The following SNX29 variants were observed in gnomAD, a reference collection of about 807,000 sequenced individuals.
SNX29 encodes the protein sorting nexin-29.
Under a neutral mutation model 102.1 loss-of-function variants are expected in SNX29, and 78 were observed. That is an observed-to-expected ratio of 0.76 (90% CI 0.64 to 0.92). The LOEUF is 0.92. Among genes scored for constraint, SNX29 ranks in the 40% least tolerant of loss-of-function variants. The probability of loss-of-function intolerance (pLI) is 0.00; values close to 1 mark genes in which losing one functional copy is unlikely to be tolerated. For synonymous variants in SNX29, 580 were observed against 414.5 expected (o/e 1.40, Z -4.85); for missense variants, 1,280 against 1,061.7 (o/e 1.21, Z -2.86).
intron 13 of SNX29, among the ~76,000 whole-genome samples, chr16:12,136,279 C>T (rs772193976): frequency 6.6e-6 from 1 of 152,220 alleles, no homozygotes; most frequent in Non-Finnish European, 1.5e-5. Flanking sequence ...CGTGCAGTGG[C>T]ATAAAGCACC....
chr16:12,481,574 G>C (rs1048420519), intron 19 of SNX29, among the ~76,000 whole-genome samples: 1 of 147,616 alleles, frequency 6.8e-6, no homozygotes, highest in Non-Finnish European at 1.5e-5. Flanking sequence ...TCACCCTGTC[G>C]CCCAGGGTGG....
At chr16:12,360,783 G>T (rs143384790) in intron 16 of SNX29, among the ~76,000 whole-genome samples, 32 of 152,252 alleles carry the variant, frequency 2.1e-4, no homozygotes, top group African/African-American at 7.7e-4. Flanking sequence ...TTCCTTAAGA[G>T]GAAGCATATT....
chr16:12,370,601 T>C (rs1423067361), intron 16 of SNX29, among the ~76,000 whole-genome samples: 1 of 152,170 alleles, frequency 6.6e-6, no homozygotes, highest in African/African-American at 2.4e-5. Context: ...CCTTGTCTCT[T>C]GGGCCATCAG....
chr16:12,002,584 G>C (rs1285736652), intron 2 of SNX29, among the ~76,000 whole-genome samples: 5 of 152,174 alleles, frequency 3.3e-5, no homozygotes, highest in African/African-American at 1.2e-4. Context: ...CAACTCTGGG[G>C]CTCGTCCAAA....
rs1462983589 is a variant in SNX29, at chr16:12,543,093, G to A, written c.2318+18252G>A. 3.9e-5 allele frequency among the ~76,000 whole-genome samples: 6 copies of A among 152,214 alleles called. No individual in the cohort carries two copies. The East Asian group carries it at 9.6e-4, about 24-fold the overall frequency. ...ACCCTCAAGCATGTTCTGTCTGGTG[G>A]AAAGATGGATCCTGGCAGCTGCGTA... On this transcript the variant is annotated intron_variant, in intron 20 of 20. Coordinates refer to ENST00000566228, the MANE Select transcript of SNX29 (RefSeq NM_032167.5).
At chr16:12,517,080 T>C (rs955465411) in intron 19 of SNX29, among the ~76,000 whole-genome samples, 2 of 152,234 alleles carry the variant, frequency 1.3e-5, no homozygotes, top group Non-Finnish European at 2.9e-5. Context: ...CGTCTATGAA[T>C]AGCTCTCAGG....
intron 15 of SNX29, among the ~76,000 whole-genome samples, chr16:12,306,868 G>A (rs77423794): frequency 0.024 from 3,698 of 152,280 alleles, 70 homozygotes; most frequent in East Asian, 0.12. Flanking sequence ...TTGGGGAGGT[G>A]GGTAGAGTGA....
chr16:12,276,401 G>C (rs946274812), intron 14 of SNX29, among the ~76,000 whole-genome samples: 2 of 152,160 alleles, frequency 1.3e-5, no homozygotes, highest in Non-Finnish European at 2.9e-5. Context: ...TTGAGCCTTC[G>C]GCGGGCTCTA....
At chr16:12,521,159 G>C (rs188801473) in intron 19 of SNX29, among the ~76,000 whole-genome samples, 1 of 152,150 alleles carries the variant, frequency 6.6e-6, no homozygotes, top group East Asian at 1.9e-4. Context: ...CACCCTGGGC[G>C]ACAGAGTGAG....
intron 1 of SNX29, among the ~76,000 whole-genome samples, chr16:11,994,990 G>A (rs1596546921): frequency 6.6e-6 from 1 of 152,144 alleles, no homozygotes; most frequent in Admixed American, 6.6e-5. Flanking sequence ...CCCGTTCAGT[G>A]CTCTCCACTG....
intron 8 of SNX29, among the ~76,000 whole-genome samples, chr16:12,058,449 G>A (rs2050609871): frequency 6.6e-6 from 1 of 151,368 alleles, no homozygotes. Flanking sequence ...CTCATTTTGA[G>A]GCAGTAGCCC....
chr16:12,561,687 C>A (rs950454375), intron 20 of SNX29, among the ~76,000 whole-genome samples: 6 of 152,176 alleles, frequency 3.9e-5, no homozygotes, highest in African/African-American at 1.4e-4. Context: ...ACACAGACCC[C>A]CTTTTCCCCA....
In SNX29 at chr16:12,567,681, G is replaced by A. The variant is rs559067998; in HGVS notation, c.2319-825G>A. 1.8e-4 allele frequency among the ~76,000 whole-genome samples: 28 copies of A among 152,282 alleles called. 1 individual carries two copies. The highest frequency in any genetic ancestry group is 6.7e-4 in the African/African-American group (28 of 41,554). On this transcript the variant is annotated intron_variant, in intron 20 of 20. Coordinates refer to ENST00000566228, the MANE Select transcript of SNX29 (RefSeq NM_032167.5). ...GGAGGCTGAGGTGAGAGGATCACTT[G>A]AGCCCAGGAGATCGAGGCTGCAGCA...
chr16:12,562,178 C>T (rs929957510), intron 20 of SNX29, among the ~76,000 whole-genome samples: 1 of 152,144 alleles, frequency 6.6e-6, no homozygotes, highest in African/African-American at 2.4e-5. Flanking sequence ...GAGGTCTGAC[C>T]TGAGCATAGG....
chr16:12,445,052 T>C (rs969084632), intron 18 of SNX29, among the ~76,000 whole-genome samples: 2 of 152,208 alleles, frequency 1.3e-5, no homozygotes, highest in East Asian at 1.9e-4. Context: ...GGTTTCACCA[T>C]GTTGGCCAGG....
chr16:12,568,670 A>G lies in SNX29; in HGVS notation c.*41A>G. ...AGCCACGGGCCCTGTGCGTGGCACC[A>G]GCTGCGTCCACCCCAGCCACTGCCG... On this transcript the variant is annotated 3_prime_UTR_variant, in exon 21 of 21. Transcript: ENST00000566228. The G allele has an allele frequency of 6.3e-7, 1 of 1,590,712 alleles. No homozygotes were observed. Among genetic ancestry groups the G allele is most frequent in the Non-Finnish European group, 8.5e-7 (1 of 1,175,084 alleles).
intron 19 of SNX29, among the ~76,000 whole-genome samples, chr16:12,489,403 C>G (rs1179096359): frequency 6.6e-6 from 1 of 152,178 alleles, no homozygotes; most frequent in East Asian, 1.9e-4. Flanking sequence ...TCGTCCTTCT[C>G]TGCAGTGTCA....
chr16:12,028,926 T>G (rs1307970321), intron 4 of SNX29, among the ~76,000 whole-genome samples: 3 of 151,804 alleles, frequency 2.0e-5, no homozygotes, highest in Admixed American at 2.0e-4. Context: ...TTTTTGTATT[T>G]TTAGTAGAGA....
In SNX29 at chr16:12,027,423, T is replaced by A; in HGVS notation, c.226T>A (p.Phe76Ile). 1 of 1,614,042 alleles carries A rather than the reference T, an allele frequency of 6.2e-7. No homozygotes were observed. The highest frequency in any genetic ancestry group is 8.5e-7 in the Non-Finnish European group (1 of 1,179,972). Residue 76 changes from phenylalanine to isoleucine, a missense_variant, in exon 4 of 21, where the codon TTT (phenylalanine) becomes ATT (isoleucine). Phe to Ile is a conservative substitution (Grantham distance 21, BLOSUM62 0). Coordinates refer to ENST00000566228, the MANE Select transcript of SNX29 (RefSeq NM_032167.5). Reference protein sequence around the residue: ...TAAAIKQAAGFASKTETEPVF... With the variant: ...TAAAIKQAAGIASKTETEPVF... ...GGCAGCGATCAAGCAGGCAGCGGGC[T>A]TTGCCAGCAAAACCGAAACAGGTAC...
Sources: allele counts gnomAD v4.1 joint callset (sites outside exome capture counted in the v4.1 genomes callset), GRCh38; gene constraint gnomAD v4.1.1; transcripts MANE v1.5; gene names NCBI Gene and HGNC (gene_info 2026-07-23, HGNC 2026-07-21).